Variants in ADAMTS7 observed in about 807,000 individuals in gnomAD.
The protein encoded by ADAMTS7 is A disintegrin and metalloproteinase with thrombospondin motifs 7.
ADAMTS7 carries 89 observed loss-of-function variants against 172.6 expected under a neutral mutation model. That is an observed-to-expected ratio of 0.52 (90% CI 0.43 to 0.61). The LOEUF (loss-of-function observed/expected upper bound fraction) is 0.61. Ranked by LOEUF, ADAMTS7 falls within the 20% of genes least tolerant of loss-of-function variation. The pLI is 0.00. For missense variants in ADAMTS7, 1,973 were observed against 2,355.6 expected (o/e 0.84, Z 3.36); for synonymous variants, 885 against 978.4 (o/e 0.90, Z 1.78).
chr15:78,764,635 C>A lies in ADAMTS7; in HGVS notation c.4339G>T (p.Ala1447Ser), dbSNP rs772921044. The A allele has an allele frequency of 6.4e-7, 1 of 1,560,306 alleles. No individual in the cohort carries two copies. Among genetic ancestry groups the A allele is most frequent in the South Asian group, 1.2e-5 (1 of 86,288 alleles). The change falls in exon 20 of 24, where the codon GCC becomes TCC. Residue 1447 changes from alanine (A) to serine (S), a missense_variant. Ala to Ser is a moderately conservative substitution (Grantham distance 99, BLOSUM62 1). Coordinates refer to ENST00000388820, the MANE Select transcript of ADAMTS7 (RefSeq NM_014272.5). ...RCSSGRDEDC[A>S]PAGRPQPARR... ...GCAGGCTGGGGCCGGCCAGCGGGGG[C>A]GCAGTCCTCATCCCGGCCGGAGCTA...
chr15:78,774,357 A>C, intron 12 of ADAMTS7, 57 bp from the exon 13 acceptor site: 1 of 1,493,940 alleles, frequency 6.7e-7, no homozygotes, highest in Non-Finnish European at 8.9e-7. Context: ...TATGGAGGCC[A>C]CCAGGAAGAC....
In ADAMTS7 at chr15:78,789,674, G is replaced by C. The variant is rs1307629308; in HGVS notation, c.1178+15C>G. ...AGCTCGGCTCTCAGTGTAGCAATGGGGGCAGGCACAGTACCTGTGCCCGAG... is the reference window on the plus strand; with the variant it reads ...AGCTCGGCTCTCAGTGTAGCAATGGCGGCAGGCACAGTACCTGTGCCCGAG... On this transcript the variant is annotated intron_variant, in intron 7 of 23. Coordinates refer to ENST00000388820, the MANE Select transcript of ADAMTS7 (RefSeq NM_014272.5). The C allele has an allele frequency of 1.2e-6, 2 of 1,613,474 alleles. No individual in the cohort carries two copies. Among genetic ancestry groups the C allele is most frequent in the Admixed American group, 1.7e-5 (1 of 59,980 alleles).
intron 1 of ADAMTS7, among the ~76,000 whole-genome samples, chr15:78,802,594 C>T (rs1289415163): frequency 6.6e-6 from 1 of 152,232 alleles, no homozygotes; most frequent in African/African-American, 2.4e-5. Context: ...TTAAAAACCC[C>T]TCTCTGTTGC....
chr15:78,759,712 C>A, intron 23 of ADAMTS7, 134 bp from the exon 24 acceptor site: 2 of 1,190,280 alleles, frequency 1.7e-6, no homozygotes, highest in South Asian at 3.4e-5. Context: ...TGGAGCGGCT[C>A]CCGAACCGGA....
intron 1 of ADAMTS7, among the ~76,000 whole-genome samples, chr15:78,803,663 G>A (rs1488353151): frequency 6.6e-6 from 1 of 152,204 alleles, no homozygotes; most frequent in African/African-American, 2.4e-5. Context: ...ATGTTGGCAA[G>A]GCTGGTCTTG....
In ADAMTS7 at chr15:78,772,013, C is replaced by G. The variant is rs542139437; in HGVS notation, c.2132-184G>C. 1.7e-3 allele frequency among the ~76,000 whole-genome samples: 262 copies of G among 152,320 alleles called. 2 individuals carry two copies. The highest frequency in any genetic ancestry group is 3.2e-3 in the Non-Finnish European group (218 of 68,030). ...AAACCTCGCAGAGGTGCCACAAATC[C>G]TGACCCCGTGGCCATGCCCCATCAC... is the stretch of plus-strand genomic sequence containing the variant. On this transcript the variant is annotated intron_variant, in intron 14 of 23. Transcript: ENST00000388820.
intron 4 of ADAMTS7, among the ~76,000 whole-genome samples, chr15:78,792,237 G>A (rs756386158): frequency 3.9e-5 from 6 of 152,240 alleles, no homozygotes; most frequent in Non-Finnish European, 7.4e-5. Flanking sequence ...CTGGGAGCCC[G>A]GGAGCCTTGA....
intron 22 of ADAMTS7, among the ~76,000 whole-genome samples, chr15:78,763,246 A>G (rs1313655184): frequency 3.3e-5 from 5 of 152,164 alleles, no homozygotes; most frequent in Admixed American, 2.0e-4. Context: ...TGACTCCAGG[A>G]CCCAGCTCAG....
At chr15:78,811,079 G>C (rs571310161) in intron 1 of ADAMTS7, 42 bp downstream of exon 1, 708 of 1,228,982 alleles carry the variant, frequency 5.8e-4, no homozygotes, top group Non-Finnish European at 6.9e-4. Flanking sequence ...GGAGCGGGAA[G>C]GGGTGGCAGG....
intron 8 of ADAMTS7, among the ~76,000 whole-genome samples, chr15:78,782,220 A>G (rs2046144): frequency 0.8 from 121,510 of 151,936 alleles, 49,065 homozygotes; most frequent in East Asian, 0.91. Context: ...TAGTAGAGAC[A>G]GGGTTTCACC....
chr15:78,776,493 C>T (rs2055348020), intron 10 of ADAMTS7, 160 bp from the exon 11 acceptor site: 1 of 1,144,856 alleles, frequency 8.7e-7, no homozygotes, highest in Non-Finnish European at 1.2e-6. Flanking sequence ...ATCTGTGACC[C>T]AGGCCACATG....
At chr15:78,767,182 C>G in intron 18 of ADAMTS7, 131 bp from the exon 19 acceptor site, 1 of 1,168,700 alleles carries the variant, frequency 8.6e-7, no homozygotes, top group Admixed American at 2.7e-5. Context: ...CTCTCTGGCC[C>G]TTCCCAGCTC....
chr15:78,774,851 C>A, intron 11 of ADAMTS7, 58 bp from the exon 12 acceptor site: 2 of 1,531,140 alleles, frequency 1.3e-6, no homozygotes, highest in Non-Finnish European at 1.8e-6. Flanking sequence ...ACTGCATGGC[C>A]ACAGCCCAGA....
chr15:78,811,071 A>T, intron 1 of ADAMTS7, 50 bp downstream of exon 1: 1 of 1,223,532 alleles, frequency 8.2e-7, no homozygotes, highest in Non-Finnish European at 1.0e-6. Flanking sequence ...AGACTGGGGG[A>T]GCGGGAAGGG....
Position 78,800,519 on chromosome 15 carries a change from C to G in ADAMTS7, c.129G>C (p.Leu43=). The G allele has an allele frequency of 6.2e-7, 1 of 1,603,822 alleles. No individual in the cohort carries two copies. Among genetic ancestry groups the G allele is most frequent in the Non-Finnish European group, 8.5e-7 (1 of 1,175,818 alleles). The change falls in exon 2 of 24, where the codon CTG becomes CTC. Residue 43 remains leucine, a synonymous_variant. Transcript: ENST00000388820. ...PGRATEGRAA[L]DIVHPVRVDA... ...CGACTCGAACCGGGTGCACGATGTCCAGTGCCGCCCGGCCCTCGGTTGCAC... is the reference window on the plus strand; with the variant it reads ...CGACTCGAACCGGGTGCACGATGTCGAGTGCCGCCCGGCCCTCGGTTGCAC...
chr15:78,787,596 G>A (rs1160217264), intron 8 of ADAMTS7, among the ~76,000 whole-genome samples: 3 of 152,138 alleles, frequency 2.0e-5, no homozygotes, highest in Admixed American at 1.3e-4. Context: ...CCCGGGAGGC[G>A]GAGGTTGCAG....
chr15:78,807,984 A>G (rs2055818409), intron 1 of ADAMTS7, among the ~76,000 whole-genome samples: 1 of 151,430 alleles, frequency 6.6e-6, no homozygotes, highest in African/African-American at 2.4e-5. Flanking sequence ...CCTCCCAAAT[A>G]GCTGGGACTA....
At chr15:78,807,252 GAAT>G (rs1054378324) in intron 1 of ADAMTS7, among the ~76,000 whole-genome samples, 3 of 152,312 alleles carry the variant, frequency 2.0e-5, no homozygotes, top group Non-Finnish European at 2.9e-5. Context: ...TGTGGTTGGG[GAAT>G]GGAAGCAGGT....
intron 4 of ADAMTS7, among the ~76,000 whole-genome samples, chr15:78,793,195 G>A (rs1157645832): frequency 6.6e-6 from 1 of 152,144 alleles, no homozygotes; most frequent in Non-Finnish European, 1.5e-5. Context: ...CTCAAAGAGA[G>A]GGTAAAACTG....
Sources: gnomAD v4.1 joint callset for allele counts (sites outside exome capture counted in the v4.1 genomes callset) on GRCh38, gnomAD v4.1.1 for gene constraint, MANE v1.5 for transcripts, NCBI Gene and HGNC (gene_info 2026-07-23, HGNC 2026-07-21) for gene names.